KCNIP4: variants seen among roughly 807,000 people sequenced by gnomAD.
The protein encoded by KCNIP4 is Kv channel-interacting protein 4.
A neutral mutation model predicts 34.0 loss-of-function variants in KCNIP4; 12 were observed. The ratio of observed to expected loss-of-function variants is 0.35; its 90% CI spans 0.23 to 0.57. KCNIP4 has a LOEUF of 0.57. KCNIP4 is among the 20% of genes least tolerant of loss of function. The pLI, the probability that KCNIP4 is intolerant of heterozygous loss-of-function variation, is 0.83. For synonymous variants in KCNIP4, 124 were observed against 102.2 expected (o/e 1.21, Z -1.29); for missense variants, 238 against 311.7 (o/e 0.76, Z 1.78).
At chr4:21,136,580 C>G (rs934315105) in intron 1 of KCNIP4, among the ~76,000 whole-genome samples, 1 of 152,110 alleles carries the variant, frequency 6.6e-6, no homozygotes, top group Non-Finnish European at 1.5e-5. Context: ...GTCCTTTCCT[C>G]CATTCCTCCA....
At chr4:21,890,051 C>T (rs910113540) in intron 1 of KCNIP4, among the ~76,000 whole-genome samples, 1 of 152,022 alleles carries the variant, frequency 6.6e-6, no homozygotes, top group Non-Finnish European at 1.5e-5. Flanking sequence ...TTGATAGAGG[C>T]ATTGTGGTAG....
At chr4:21,069,860 A>G (rs895267408) in intron 1 of KCNIP4, among the ~76,000 whole-genome samples, 2 of 152,216 alleles carry the variant, frequency 1.3e-5, no homozygotes, top group South Asian at 4.1e-4. Context: ...TGACGTTGGT[A>G]TAATGTGGGT....
rs574644077 is a variant in KCNIP4, at chr4:20,931,353, TAAC to T, written c.62-48647_62-48645del. 1.3e-3 allele frequency among the ~76,000 whole-genome samples: 204 copies of T among 152,258 alleles called. 1 individual carries two copies. Among genetic ancestry groups the T allele is most frequent in the African/African-American group, 4.5e-3 (189 of 41,566 alleles). ...AAGAAAAATAGAGTCATGTATCATT[TAAC>T]AACAAGGATATGTTCCGAAAAACGC... On this transcript the variant is annotated intron_variant, in intron 1 of 8. Transcript: ENST00000382152.
chr4:21,248,754 A>C (rs1318683842), intron 1 of KCNIP4, among the ~76,000 whole-genome samples: 1 of 152,182 alleles, frequency 6.6e-6, no homozygotes, highest in Non-Finnish European at 1.5e-5. Context: ...TAAGGGCTTA[A>C]CATATATTTT....
intron 1 of KCNIP4, among the ~76,000 whole-genome samples, chr4:21,390,361 A>T (rs1214465889): frequency 6.6e-6 from 1 of 152,114 alleles, no homozygotes; most frequent in East Asian, 1.9e-4. Flanking sequence ...GGTGTTTTAG[A>T]CATGAAGTCC....
chr4:21,816,521 A>T (rs1448137399), intron 1 of KCNIP4, among the ~76,000 whole-genome samples: 1 of 152,072 alleles, frequency 6.6e-6, no homozygotes, highest in Admixed American at 6.6e-5. Flanking sequence ...AGCGTTTCAG[A>T]CATCCTTACA....
intron 1 of KCNIP4, among the ~76,000 whole-genome samples, chr4:21,472,237 G>A (rs557752687): frequency 4.6e-5 from 7 of 152,168 alleles, no homozygotes; most frequent in Admixed American, 1.3e-4. Flanking sequence ...ATTTAGGGTG[G>A]AGCAGATAAG....
chr4:21,299,498 T>G (rs1264166207), intron 1 of KCNIP4, among the ~76,000 whole-genome samples: 40 of 152,134 alleles, frequency 2.6e-4, no homozygotes, highest in Non-Finnish European at 1.5e-5. Context: ...TGTAAAAAGA[T>G]TGTATGTTTA....
intron 1 of KCNIP4, among the ~76,000 whole-genome samples, chr4:21,039,160 G>C (rs1741725865): frequency 6.6e-6 from 1 of 152,160 alleles, no homozygotes; most frequent in Admixed American, 6.5e-5. Context: ...AGGAGTTTGA[G>C]ACCAGTCTGG....
chr4:20,906,263 C>T (rs1727759914), intron 1 of KCNIP4, among the ~76,000 whole-genome samples: 1 of 152,090 alleles, frequency 6.6e-6, no homozygotes, highest in Non-Finnish European at 1.5e-5. Flanking sequence ...GAGCTGTTGG[C>T]TAGTGAAACA....
At chr4:20,965,110 A>G (rs10428350) in intron 1 of KCNIP4, among the ~76,000 whole-genome samples, 1 of 152,216 alleles carries the variant, frequency 6.6e-6, no homozygotes, top group South Asian at 2.1e-4. Context: ...ATTCTTTCCC[A>G]CCATAGTTAA....
rs140837524 is a variant in KCNIP4 at position 21,188,588 on chromosome 4, G to A, written c.62-305879C>T. The stretch of plus-strand genomic sequence containing the variant: ...TTCAGCTCTTGCAAATTAAACATAC[G>A]TTGTGTAAAAACTACTTTAAATGAA... On this transcript the variant is annotated intron_variant, in intron 1 of 8. Transcript: ENST00000382152. 2.5e-4 allele frequency among the ~76,000 whole-genome samples: 38 copies of A among 152,236 alleles called. No individual in the cohort carries two copies. In the East Asian group the frequency reaches 6.9e-3, roughly 28 times the overall value.
intron 1 of KCNIP4, among the ~76,000 whole-genome samples, chr4:21,859,662 A>G (rs1412776348): frequency 6.6e-6 from 1 of 152,072 alleles, no homozygotes; most frequent in African/African-American, 2.4e-5. Flanking sequence ...TCATTTACCT[A>G]AAGAATCATG....
At chr4:21,595,586 A>G (rs887538492) in intron 1 of KCNIP4, among the ~76,000 whole-genome samples, 2 of 152,050 alleles carry the variant, frequency 1.3e-5, no homozygotes, top group Non-Finnish European at 2.9e-5. Flanking sequence ...ACAACGCTTG[A>G]ACTAATTTAC....
chr4:21,636,632 T>C (rs183499846), intron 1 of KCNIP4, among the ~76,000 whole-genome samples: 56 of 152,256 alleles, frequency 3.7e-4, no homozygotes, highest in African/African-American at 1.3e-3. Flanking sequence ...TAATTCCCTG[T>C]GTAGAGGTAG....
intron 1 of KCNIP4, among the ~76,000 whole-genome samples, chr4:20,910,521 T>A (rs1728227310): frequency 6.6e-6 from 1 of 152,160 alleles, no homozygotes; most frequent in African/African-American, 2.4e-5. Context: ...AGAATAGTGA[T>A]CATAATCTAT....
chr4:20,971,317 T>C (rs1303056252), intron 1 of KCNIP4, among the ~76,000 whole-genome samples: 1 of 152,162 alleles, frequency 6.6e-6, no homozygotes, highest in African/African-American at 2.4e-5. Flanking sequence ...TATGTTGATT[T>C]AAAAAGCATG....
intron 1 of KCNIP4, among the ~76,000 whole-genome samples, chr4:21,628,880 C>T (rs575867179): frequency 4.6e-4 from 70 of 152,232 alleles, no homozygotes; most frequent in Non-Finnish European, 7.2e-4. Flanking sequence ...TACACCTTTC[C>T]CATAAATTAT....
chr4:21,503,245 C>A (rs1049733053), intron 1 of KCNIP4, among the ~76,000 whole-genome samples: 1 of 152,122 alleles, frequency 6.6e-6, no homozygotes, highest in African/African-American at 2.4e-5. Flanking sequence ...CTTGCCTTAG[C>A]CACTCTCTTT....
Sources: gnomAD v4.1 joint callset for allele counts (sites outside exome capture counted in the v4.1 genomes callset) on GRCh38, gnomAD v4.1.1 for gene constraint, MANE v1.5 for transcripts, NCBI Gene and HGNC (gene_info 2026-07-23, HGNC 2026-07-21) for gene names.